The following KCNIP2 variants were observed in gnomAD, a reference collection of about 807,000 sequenced individuals.
KCNIP2 encodes the protein A-type potassium channel modulatory protein KCNIP2.
In KCNIP2, 19 loss-of-function variants were observed where a neutral mutation model predicts 39.0. That is an observed-to-expected ratio of 0.49 (90% CI 0.34 to 0.71). The LOEUF (loss-of-function observed/expected upper bound fraction) is 0.71, where lower values mean the gene tolerates loss of function less well. KCNIP2 is among the 30% of genes least tolerant of loss of function. The pLI is 0.01. For synonymous variants in KCNIP2, 111 were observed against 131.2 expected (o/e 0.85, Z 1.05); for missense variants, 261 against 346.0 (o/e 0.75, Z 1.95).
rs1269526775 is a variant in KCNIP2 at position 101,838,825 on chromosome 10, T to A, written c.73+4671A>T. On this transcript the variant is annotated intron_variant, in intron 1 of 9. Coordinates refer to ENST00000356640, the MANE Select transcript of KCNIP2 (RefSeq NM_173191.3). This position sits in a 1 kb window ranked among gnomAD's most constrained non-coding sequence, Gnocchi z 4.0. ...ATGGAGAGAGCCAGAAAATGACAGA[T>A]CTCAGAATGCCACAGGACCAGGTTG... Among the ~76,000 whole-genome samples, 1 of 152,144 alleles carries A rather than the reference T, an allele frequency of 6.6e-6. No homozygotes were observed. Among genetic ancestry groups the A allele is most frequent in the Non-Finnish European group, 1.5e-5 (1 of 68,028 alleles).
chr10:101,829,058 C>T lies in KCNIP2; in HGVS notation c.348+17G>A, dbSNP rs755065703. ...CCTGTCCCACCCTCGCTGAGTTTGG[C>T]CTCGCCTTGCACTCACGTTCTTGAA... On this transcript the variant is annotated intron_variant, in intron 4 of 9. Transcript: ENST00000356640. 2 of 1,610,392 alleles carry T rather than the reference C, an allele frequency of 1.2e-6. No homozygotes were observed. Among genetic ancestry groups the T allele is most frequent in the Non-Finnish European group, 1.7e-6 (2 of 1,177,746 alleles).
Position 101,843,420 on chromosome 10 carries a change from CG to C in KCNIP2, c.73+75del. ...GGCAGAGTGTGGGTGCGGGCCAGGC[CG>C]GGGTCGGAGAGGCGGAAGGGTCTGG... On this transcript the variant is annotated intron_variant, in intron 1 of 9. Coordinates refer to ENST00000356640, the MANE Select transcript of KCNIP2 (RefSeq NM_173191.3). This position sits in a 1 kb window ranked among gnomAD's most constrained non-coding sequence, Gnocchi z 6.7. 1.0e-6 allele frequency: 1 copy of C among 981,964 alleles called. No individual in the cohort carries two copies. Among genetic ancestry groups the C allele is most frequent in the South Asian group, 2.4e-5 (1 of 42,048 alleles). The allele number at this position is 981,964 out of a possible 1,614,324, so 60.8% of individuals were successfully genotyped here.
At position 101,829,890 on chromosome 10, in the gene KCNIP2, G is replaced by T; in HGVS notation, c.177C>A (p.Ala59=). 6.6e-7 allele frequency: 1 copy of T among 1,520,684 alleles called. No individual in the cohort carries two copies. Among genetic ancestry groups the T allele is most frequent in the Non-Finnish European group, 8.8e-7 (1 of 1,136,850 alleles). The allele number at this position is 1,520,684 out of a possible 1,614,324, so 94.2% of individuals were successfully genotyped here. ...TGTGGGGGCGGAGGGAGGCTGGGGCGGCTAATGCTGAAGGGAGCGAACTGT... is the reference window on the plus strand; with the variant it reads ...TGTGGGGGCGGAGGGAGGCTGGGGCTGCTAATGCTGAAGGGAGCGAACTGT... ...QALPSVSETL[A]APASLRPHRP... is the part of the protein sequence containing the mutation. The change falls in exon 3 of 10, where the codon GCC becomes GCA. Residue 59 remains alanine, a synonymous_variant. Coordinates refer to ENST00000356640, the MANE Select transcript of KCNIP2 (RefSeq NM_173191.3).
rs1366277020 is a variant in KCNIP2 at position 101,843,035 on chromosome 10, G to A, written c.73+461C>T. On this transcript the variant is annotated intron_variant, in intron 1 of 9. Transcript: ENST00000356640. This position sits in a 1 kb window ranked among gnomAD's most constrained non-coding sequence, Gnocchi z 6.7. ...CACATCGTTGCACATAGAGACACATGGTCAAAACAACTTCATCAGTACAAC... is the reference window on the plus strand; with the variant it reads ...CACATCGTTGCACATAGAGACACATAGTCAAAACAACTTCATCAGTACAAC... Among the ~76,000 whole-genome samples, 1 of 152,148 alleles carries A rather than the reference G, an allele frequency of 6.6e-6. No homozygotes were observed. The highest frequency in any genetic ancestry group is 2.4e-5 in the African/African-American group (1 of 41,420).
Position 101,843,688 on chromosome 10 carries a change from C to T in KCNIP2, c.-120G>A. The T allele has an allele frequency of 2.0e-6, 1 of 498,176 alleles. No homozygotes were observed. The highest frequency in any genetic ancestry group is 3.5e-6 in the Non-Finnish European group (1 of 289,526). 30.9% of individuals were successfully genotyped at this position (498,176 alleles called of 1,614,324 possible). On this transcript the variant is annotated 5_prime_UTR_variant, in exon 1 of 10. Transcript: ENST00000356640. The surrounding 1 kb of genome is among the most constrained non-coding windows in gnomAD (Gnocchi z 6.7). ...GCTGTCGGGGCTGGGGAAGTCCGGG[C>T]TGAGGCTGAGTCTGGGAATGGGCCC...
rs1381508374 is a variant in KCNIP2, at chr10:101,839,860, C to T, written c.73+3636G>A. On this transcript the variant is annotated intron_variant, in intron 1 of 9. Transcript: ENST00000356640. ...GTTCATGGTTTGGCGGCGAGCTCGG[C>T]GTCTAAGCTCCACCCCCAGGCCCCG... The T allele has an allele frequency of 2.5e-6, 4 of 1,580,696 alleles. No homozygotes were observed. In the Admixed American group the frequency reaches 5.3e-5, roughly 21 times the overall value.
In KCNIP2 at chr10:101,828,894, C is replaced by A; in HGVS notation, c.348+181G>T. On this transcript the variant is annotated intron_variant, in intron 4 of 9. Coordinates refer to ENST00000356640, the MANE Select transcript of KCNIP2 (RefSeq NM_173191.3). This position sits in a 1 kb window ranked among gnomAD's most constrained non-coding sequence, Gnocchi z 6.6. ...AAAAACATGGAACGAAACTGACAGT[C>A]TACAGGCGCCACTTCCGTTCTGGCC... 1 of 1,533,420 alleles carries A rather than the reference C, an allele frequency of 6.5e-7. No individual in the cohort carries two copies. Among genetic ancestry groups the A allele is most frequent in the Non-Finnish European group, 8.8e-7 (1 of 1,137,802 alleles). The allele number at this position is 1,533,420 out of a possible 1,614,324, so 95.0% of individuals were successfully genotyped here.
Position 101,843,387 on chromosome 10 carries a change from G to T in KCNIP2, c.73+109C>A. 1 of 639,158 alleles carries T rather than the reference G, an allele frequency of 1.6e-6. No homozygotes were observed. Among genetic ancestry groups the T allele is most frequent in the Non-Finnish European group, 2.4e-6 (1 of 420,926 alleles). The allele number at this position is 639,158 out of a possible 1,614,324, so 39.6% of individuals were successfully genotyped here. A position where few individuals can be genotyped will look rare whatever the true frequency, so the allele number is the denominator to read the frequency against. On this transcript the variant is annotated intron_variant, in intron 1 of 9. Coordinates refer to ENST00000356640, the MANE Select transcript of KCNIP2 (RefSeq NM_173191.3). This position sits in a 1 kb window ranked among gnomAD's most constrained non-coding sequence, Gnocchi z 6.7. ...GCCCAGACCGGCCATAAGAGTGCCT[G>T]GGAATGGGGCAGAGTGTGGGTGCGG... is the stretch of plus-strand genomic sequence containing the variant.
chr10:101,843,435 G>A lies in KCNIP2; in HGVS notation c.73+61C>T, dbSNP rs2066391700. The A allele has an allele frequency of 1.7e-6, 2 of 1,157,316 alleles. No homozygotes were observed. Among genetic ancestry groups the A allele is most frequent in the Non-Finnish European group, 2.4e-6 (2 of 846,790 alleles). The allele number at this position is 1,157,316 out of a possible 1,614,324, so 71.7% of individuals were successfully genotyped here. A position where few individuals can be genotyped will look rare whatever the true frequency, so the allele number is the denominator to read the frequency against. On this transcript the variant is annotated intron_variant, in intron 1 of 9. Coordinates refer to ENST00000356640, the MANE Select transcript of KCNIP2 (RefSeq NM_173191.3). The surrounding 1 kb of genome is among the most constrained non-coding windows in gnomAD (Gnocchi z 6.7). The stretch of plus-strand genomic sequence containing the variant: ...CGGGCCAGGCCGGGGTCGGAGAGGC[G>A]GAAGGGTCTGGAGGAATGGAATCCA...
intron 1 of KCNIP2, chr10:101,839,942 C>T: frequency 1.7e-6 from 2 of 1,170,196 alleles, no homozygotes; most frequent in Non-Finnish European, 2.3e-6. Flanking sequence ...CGCGGGAGGG[C>T]CGGCCCGGCA....
intron 1 of KCNIP2, among the ~76,000 whole-genome samples, chr10:101,831,368 G>A (rs976743510): frequency 6.6e-6 from 1 of 152,168 alleles, no homozygotes; most frequent in Non-Finnish European, 1.5e-5. Context: ...TCAGGCACTT[G>A]GTTTAATGGG....
At chr10:101,831,411 A>G (rs1589864747) in intron 1 of KCNIP2, among the ~76,000 whole-genome samples, 1 of 152,146 alleles carries the variant, frequency 6.6e-6, no homozygotes, top group Non-Finnish European at 1.5e-5. Flanking sequence ...GGCAAGGATG[A>G]GGTGGCAGTG....
chr10:101,831,487 T>A (rs1564666173), intron 1 of KCNIP2, among the ~76,000 whole-genome samples: 1 of 152,254 alleles, frequency 6.6e-6, no homozygotes, highest in East Asian at 1.9e-4. Context: ...CTCAGGATGA[T>A]GTCCAACCCA....
In KCNIP2 at chr10:101,839,932, C is replaced by A. The variant is rs1241516797; in HGVS notation, c.73+3564G>T. ...CACCCGGGTAGGCCCGCGTGGGCGGCGCGGGAGGGCCGGCCCGGCAGGCAT... is the reference window on the plus strand; with the variant it reads ...CACCCGGGTAGGCCCGCGTGGGCGGAGCGGGAGGGCCGGCCCGGCAGGCAT... On this transcript the variant is annotated intron_variant, in intron 1 of 9. Coordinates refer to ENST00000356640, the MANE Select transcript of KCNIP2 (RefSeq NM_173191.3). The A allele has an allele frequency of 2.3e-6, 3 of 1,281,788 alleles. No homozygotes were observed. The African/African-American group carries it at 4.7e-5, about 20-fold the overall frequency. 79.4% of individuals were successfully genotyped at this position (1,281,788 alleles called of 1,614,324 possible).
intron 1 of KCNIP2, among the ~76,000 whole-genome samples, chr10:101,842,117 C>T (rs1353506820): frequency 1.3e-5 from 2 of 152,200 alleles, no homozygotes; most frequent in Non-Finnish European, 2.9e-5. Flanking sequence ...TCACTCCCCT[C>T]AGGAAGGACA....
rs1018551561 is a variant in KCNIP2, at chr10:101,838,686, G to C, written c.73+4810C>G. 2.0e-5 allele frequency among the ~76,000 whole-genome samples: 3 copies of C among 152,192 alleles called. No individual in the cohort carries two copies. The highest frequency in any genetic ancestry group is 6.5e-5 in the Admixed American group (1 of 15,282). Reference sequence around the variant, plus strand: ...CTTGGAGGTTGTATGCTCCCCAGAAGATTTCCAGGTATGGTTCTGGCTCAG... The same window carrying C: ...CTTGGAGGTTGTATGCTCCCCAGAACATTTCCAGGTATGGTTCTGGCTCAG... On this transcript the variant is annotated intron_variant, in intron 1 of 9. Transcript: ENST00000356640. The surrounding 1 kb of genome is among the most constrained non-coding windows in gnomAD (Gnocchi z 4.0).
Position 101,827,132 on chromosome 10 carries a change from A to G in KCNIP2, c.*221T>C. On this transcript the variant is annotated 3_prime_UTR_variant, in exon 10 of 10. Transcript: ENST00000356640. ...GGGTGTCAGGCAGGAAGGGGGTGAG[A>G]GCTGGTGGGAGTTGGGAACACCCCC... 1.8e-6 allele frequency: 2 copies of G among 1,118,502 alleles called. No individual in the cohort carries two copies. The highest frequency in any genetic ancestry group is 2.3e-6 in the Non-Finnish European group (2 of 871,368). 69.3% of individuals were successfully genotyped at this position (1,118,502 alleles called of 1,614,324 possible). A position where few individuals can be genotyped will look rare whatever the true frequency, so the allele number is the denominator to read the frequency against.
At chr10:101,830,628 G>A (rs1174938281) in intron 2 of KCNIP2, among the ~76,000 whole-genome samples, 4 of 151,152 alleles carry the variant, frequency 2.6e-5, no homozygotes, top group Non-Finnish European at 5.9e-5. Flanking sequence ...CAGTAGCCAC[G>A]CCCCCTTATG....
At chr10:101,830,466 A>C in intron 2 of KCNIP2, 1 of 1,281,630 alleles carries the variant, frequency 7.8e-7, no homozygotes, top group Non-Finnish European at 1.0e-6. Flanking sequence ...CCTGGTCTAC[A>C]CAGGCCGCCA....
Sources: gnomAD v4.1 joint callset for allele counts (sites outside exome capture counted in the v4.1 genomes callset) on GRCh38, gnomAD v4.1.1 for gene constraint, Gnocchi (gnomAD v3.1) non-coding constraint, MANE v1.5 for transcripts, NCBI Gene and HGNC (gene_info 2026-07-23, HGNC 2026-07-21) for gene names.